NCAM2: variants seen among roughly 807,000 people sequenced by gnomAD.
The protein encoded by NCAM2 is N-CAM-2.
NCAM2 carries 30 observed loss-of-function variants against 98.1 expected under a neutral mutation model. The observed-to-expected ratio is 0.31, with a 90% confidence interval of 0.23 to 0.41. The LOEUF (loss-of-function observed/expected upper bound fraction) is 0.41. Ranked by LOEUF, NCAM2 falls within the 10% of genes least tolerant of loss-of-function variation. The pLI, the probability that NCAM2 is intolerant of heterozygous loss-of-function variation, is 1.00. For missense variants in NCAM2, 867 were observed against 1,005.8 expected, an observed-to-expected ratio of 0.86 and a Z score of 1.87; for synonymous variants, 368 against 342.4, an observed-to-expected ratio of 1.07 and a Z score of -0.83.
intron 1 of NCAM2, among the ~76,000 whole-genome samples, chr21:21,124,832 A>AT (rs1047490344): frequency 3.3e-5 from 5 of 152,158 alleles, no homozygotes; most frequent in African/African-American, 4.8e-5. Flanking sequence ...GTATGTTACC[A>AT]TTTTTACAAA....
At chr21:21,348,765 A>T (rs916625016) in intron 8 of NCAM2, among the ~76,000 whole-genome samples, 6 of 152,062 alleles carry the variant, frequency 3.9e-5, no homozygotes, top group African/African-American at 1.4e-4. Flanking sequence ...AGAATAGAGA[A>T]CCCAAAAACA....
At chr21:21,522,820 C>A (rs1414484507) in intron 16 of NCAM2, among the ~76,000 whole-genome samples, 2 of 151,456 alleles carry the variant, frequency 1.3e-5, no homozygotes, top group Non-Finnish European at 2.9e-5. Flanking sequence ...TTAGTAGAGG[C>A]GGGGTTTCGC....
chr21:21,054,785 A>G (rs1484415270), intron 1 of NCAM2, among the ~76,000 whole-genome samples: 1 of 152,090 alleles, frequency 6.6e-6, no homozygotes, highest in Non-Finnish European at 1.5e-5. Context: ...AGGAAAACTG[A>G]CAAAATCTGA....
intron 10 of NCAM2, among the ~76,000 whole-genome samples, chr21:21,412,378 G>A (rs1235274003): frequency 2.0e-5 from 3 of 152,170 alleles, no homozygotes; most frequent in East Asian, 1.9e-4. Flanking sequence ...CCGGAATTTA[G>A]GGTTTCAGTA....
intron 1 of NCAM2, among the ~76,000 whole-genome samples, chr21:21,121,964 T>G (rs1434089097): frequency 6.6e-6 from 1 of 152,230 alleles, no homozygotes; most frequent in African/African-American, 2.4e-5. Context: ...TCTACCTGTT[T>G]CCAAGAACAA....
intron 12 of NCAM2, among the ~76,000 whole-genome samples, chr21:21,433,240 T>C (rs2077382886): frequency 6.6e-6 from 1 of 152,178 alleles, no homozygotes; most frequent in South Asian, 2.1e-4. Flanking sequence ...GTTCTCAAAC[T>C]GATGAGCTCA....
At chr21:21,029,698 T>C (rs1174388331) in intron 1 of NCAM2, among the ~76,000 whole-genome samples, 1 of 152,152 alleles carries the variant, frequency 6.6e-6, no homozygotes, top group Admixed American at 6.5e-5. Context: ...TGGCGCGATC[T>C]TGGCTCACTG....
intron 1 of NCAM2, among the ~76,000 whole-genome samples, chr21:21,170,177 C>T (rs779935416): frequency 2.6e-5 from 4 of 152,152 alleles, no homozygotes; most frequent in Non-Finnish European, 5.9e-5. Context: ...AGTACAGCCA[C>T]TTTGGAAAAC....
chr21:21,533,251 T>C (rs1470525288), intron 16 of NCAM2, among the ~76,000 whole-genome samples: 1 of 148,142 alleles, frequency 6.8e-6, no homozygotes, highest in African/African-American at 2.5e-5. Flanking sequence ...ATAAGAAACA[T>C]AACAGTTTCC....
At chr21:21,187,181 G>A (rs765610799) in intron 1 of NCAM2, among the ~76,000 whole-genome samples, 7 of 151,894 alleles carry the variant, frequency 4.6e-5, no homozygotes, top group East Asian at 1.9e-4. Context: ...CCAAGATAGC[G>A]TCACTGCACT....
chr21:21,337,727 C>T (rs1478099501), intron 7 of NCAM2, among the ~76,000 whole-genome samples: 1 of 151,780 alleles, frequency 6.6e-6, no homozygotes, highest in East Asian at 1.9e-4. Flanking sequence ...TAATGCTTTT[C>T]TTTTTATACA....
At chr21:21,527,601 A>G (rs1989399749) in intron 16 of NCAM2, among the ~76,000 whole-genome samples, 1 of 152,174 alleles carries the variant, frequency 6.6e-6, no homozygotes, top group African/African-American at 2.4e-5. Flanking sequence ...AGCTTATGAA[A>G]AGACATTTCA....
At chr21:21,376,586 A>G (rs755903734) in intron 9 of NCAM2, among the ~76,000 whole-genome samples, 1 of 151,832 alleles carries the variant, frequency 6.6e-6, no homozygotes, top group Non-Finnish European at 1.5e-5. Flanking sequence ...TGGGATAAAC[A>G]AACAACTGTA....
intron 1 of NCAM2, among the ~76,000 whole-genome samples, chr21:21,157,296 T>C (rs1162512723): frequency 2.0e-5 from 3 of 152,178 alleles, no homozygotes; most frequent in African/African-American, 7.2e-5. Flanking sequence ...ATGAACACTT[T>C]GCTGTGCTCT....
intron 1 of NCAM2, among the ~76,000 whole-genome samples, chr21:21,050,181 T>C (rs2065079578): frequency 6.6e-6 from 1 of 152,162 alleles, no homozygotes; most frequent in Non-Finnish European, 1.5e-5. Flanking sequence ...TTTAATCTGA[T>C]GTACTCCTCG....
At chr21:21,155,527 C>T (rs1034955022) in intron 1 of NCAM2, among the ~76,000 whole-genome samples, 2 of 151,652 alleles carry the variant, frequency 1.3e-5, no homozygotes, top group African/African-American at 4.8e-5. Flanking sequence ...TAGCATAGTA[C>T]TTGTTACTCT....
At chr21:21,506,596 A>G (rs1987994761) in intron 15 of NCAM2, among the ~76,000 whole-genome samples, 1 of 152,050 alleles carries the variant, frequency 6.6e-6, no homozygotes, top group Non-Finnish European at 1.5e-5. Context: ...GTTTATTGAG[A>G]TTTTGCAAAC....
At chr21:21,487,334 TAAGC>T (rs1986471715) in intron 15 of NCAM2, among the ~76,000 whole-genome samples, 1 of 152,146 alleles carries the variant, frequency 6.6e-6, no homozygotes, top group African/African-American at 2.4e-5. Context: ...TGATTACTGG[TAAGC>T]AAGACATAAA....
chr21:21,323,299 A>T (rs773454270), intron 5 of NCAM2, among the ~76,000 whole-genome samples: 1 of 152,088 alleles, frequency 6.6e-6, no homozygotes, highest in Non-Finnish European at 1.5e-5. Flanking sequence ...ATGTCAGATT[A>T]TGTTTCTTGT....
Sources: allele counts gnomAD v4.1 joint callset (sites outside exome capture counted in the v4.1 genomes callset), GRCh38; gene constraint gnomAD v4.1.1; transcripts MANE v1.5; gene names NCBI Gene and HGNC (gene_info 2026-07-23, HGNC 2026-07-21).